Variants in CUBN observed in about 807,000 individuals in gnomAD.
CUBN encodes cubilin, also known as 460 kDa receptor.
In CUBN, 282 loss-of-function variants were observed where a neutral mutation model predicts 405.3. The observed-to-expected ratio is 0.70, with a 90% confidence interval of 0.63 to 0.77. CUBN has a LOEUF of 0.77. Among genes scored for constraint, CUBN ranks in the 30% least tolerant of loss-of-function variants. The probability of loss-of-function intolerance (pLI) is 0.00; values close to 1 mark genes in which losing one functional copy is unlikely to be tolerated. For synonymous variants in CUBN, 1,684 were observed against 1,617.0 expected (o/e 1.04, Z -0.99); for missense variants, 4,514 against 4,475.2 (o/e 1.01, Z -0.25).
At position 16,890,358 on chromosome 10, in the gene CUBN, T is replaced by C. The variant is rs374790027; in HGVS notation, c.8755+13A>G. The C allele has an allele frequency of 1.9e-6, 3 of 1,612,290 alleles. No homozygotes were observed. Among genetic ancestry groups the C allele is most frequent in the Non-Finnish European group, 2.5e-6 (3 of 1,179,968 alleles). ...CGCAAAGACCTCTGGGTTTGGTTCT[T>C]AGGGCTACTTACGGCTAACAAAGGA... On this transcript the variant is annotated intron_variant, in intron 55 of 66. Transcript: ENST00000377833.
At chr10:16,990,862 G>A (rs952696916) in intron 28 of CUBN, among the ~76,000 whole-genome samples, 3 of 151,934 alleles carry the variant, frequency 2.0e-5, no homozygotes, top group East Asian at 1.9e-4. Flanking sequence ...TAACATAGTC[G>A]GAAGTACAAT....
chr10:17,071,736 A>C (rs888434696), intron 18 of CUBN, 91 bp downstream of exon 18: 10 of 1,504,224 alleles, frequency 6.6e-6, no homozygotes, highest in Non-Finnish European at 8.3e-6. Context: ...TCCACTTAAC[A>C]CTTGAGGACA....
intron 54 of CUBN, among the ~76,000 whole-genome samples, chr10:16,898,455 C>T (rs1184954873): frequency 6.6e-6 from 1 of 152,132 alleles, no homozygotes; most frequent in African/African-American, 2.4e-5. Flanking sequence ...GGCACTCTTT[C>T]TCTAAAAGTC....
At chr10:16,954,682 G>A (rs1239550251) in intron 31 of CUBN, 134 bp from the exon 32 acceptor site, 37 of 981,710 alleles carry the variant, frequency 3.8e-5, no homozygotes, top group Non-Finnish European at 5.3e-5. Flanking sequence ...TGGCTTTATT[G>A]TCCTTTCTCA....
At chr10:17,023,506 A>C (rs1564484017) in intron 27 of CUBN, 1 of 422,026 alleles carries the variant, frequency 2.4e-6, no homozygotes, top group Non-Finnish European at 4.9e-6. Context: ...TGACCACCCA[A>C]AACCACACAA....
chr10:17,064,103 C>T (rs1282479042), intron 22 of CUBN, among the ~76,000 whole-genome samples: 1 of 152,206 alleles, frequency 6.6e-6, no homozygotes, highest in African/African-American at 2.4e-5. Context: ...ACACCATAGC[C>T]TATTGTAACT....
chr10:16,844,035 CGAGGCAG>C (rs763798852), intron 60 of CUBN, among the ~76,000 whole-genome samples: 15 of 151,880 alleles, frequency 9.9e-5, no homozygotes, highest in Non-Finnish European at 2.2e-4. Context: ...TTTGGGAGGC[CGAGGCAG>C]GCGGATCGCC....
At position 17,100,180 on chromosome 10, in the gene CUBN, C is replaced by T. The variant is rs1218620776; in HGVS notation, c.1590G>A (p.Glu530=). 6.2e-7 allele frequency: 1 copy of T among 1,614,038 alleles called. No individual in the cohort carries two copies. The highest frequency in any genetic ancestry group is 1.7e-5 in the Admixed American group (1 of 60,012). ...RLESMDNCPH[E]FLQVYDGDSS... The stretch of plus-strand genomic sequence containing the variant: ...AATCTCCATCATAAACCTGAAGAAA[C>T]TCGTGTGGACAGTTGTCCATGGATT... Residue 530 remains glutamate, a synonymous_variant, in exon 14 of 67, where the codon GAG becomes GAA. Transcript: ENST00000377833.
At chr10:17,034,772 A>T (rs912867458) in intron 27 of CUBN, among the ~76,000 whole-genome samples, 3 of 152,198 alleles carry the variant, frequency 2.0e-5, no homozygotes, top group African/African-American at 7.2e-5. Context: ...ACCAAAAGAG[A>T]TCTACAGGAG....
intron 59 of CUBN, among the ~76,000 whole-genome samples, chr10:16,855,021 T>C (rs1160590982): frequency 7.6e-6 from 1 of 132,070 alleles, no homozygotes; most frequent in Admixed American, 7.4e-5. Context: ...TCTCTTTCTC[T>C]CTCTCTCTTT....
intron 36 of CUBN, among the ~76,000 whole-genome samples, chr10:16,940,440 C>A (rs1017238799): frequency 3.3e-5 from 5 of 152,192 alleles, no homozygotes; most frequent in African/African-American, 1.2e-4. Flanking sequence ...ACGACGAATA[C>A]ACTTCCATCA....
At chr10:17,001,134 C>T (rs939943748) in intron 28 of CUBN, among the ~76,000 whole-genome samples, 2 of 152,116 alleles carry the variant, frequency 1.3e-5, no homozygotes, top group Admixed American at 6.6e-5. Context: ...TCATTCTTCC[C>T]GGTGGGTTTC....
chr10:17,097,042 T>C (rs1379911278), intron 14 of CUBN, among the ~76,000 whole-genome samples: 1 of 151,978 alleles, frequency 6.6e-6, no homozygotes, highest in African/African-American at 2.4e-5. Flanking sequence ...TAGGAAAAAA[T>C]TGTTAAAGTA....
intron 56 of CUBN, among the ~76,000 whole-genome samples, chr10:16,881,948 G>C (rs1221785455): frequency 1.3e-5 from 2 of 152,112 alleles, no homozygotes; most frequent in Non-Finnish European, 2.9e-5. Context: ...AGAAGGTGTT[G>C]GTGACAGACT....
intron 28 of CUBN, among the ~76,000 whole-genome samples, chr10:17,010,320 C>A (rs778388295): frequency 6.6e-6 from 1 of 152,168 alleles, no homozygotes; most frequent in Non-Finnish European, 1.5e-5. Context: ...CTGCATTTAA[C>A]GGATCCATGA....
At chr10:16,887,462 A>C (rs1414479267) in intron 56 of CUBN, among the ~76,000 whole-genome samples, 2 of 152,210 alleles carry the variant, frequency 1.3e-5, no homozygotes, top group African/African-American at 4.8e-5. Flanking sequence ...TTAAATGGTG[A>C]GTTTTAGACT....
chr10:16,833,766 G>A (rs1295798117), intron 64 of CUBN, among the ~76,000 whole-genome samples: 1 of 152,074 alleles, frequency 6.6e-6, no homozygotes, highest in East Asian at 1.9e-4. Context: ...AGAAAGAATC[G>A]TCCCACAGAA....
intron 40 of CUBN, among the ~76,000 whole-genome samples, chr10:16,928,532 C>CCCT (rs1403918589): frequency 8.9e-3 from 952 of 106,974 alleles, no homozygotes; most frequent in African/African-American, 0.012. Flanking sequence ...CCACCCCCCC[C>CCCT]TTTTTTTTTT....
chr10:16,948,372 T>C (rs1180076477), intron 35 of CUBN, 106 bp downstream of exon 35: 4 of 1,495,098 alleles, frequency 2.7e-6, no homozygotes, highest in Admixed American at 3.5e-5. Context: ...AGAGGTGATC[T>C]CAGGAAACTG....
Sources: gnomAD v4.1 joint callset for allele counts (sites outside exome capture counted in the v4.1 genomes callset) on GRCh38, gnomAD v4.1.1 for gene constraint, MANE v1.5 for transcripts, NCBI Gene and HGNC (gene_info 2026-07-23, HGNC 2026-07-21) for gene names.